The following CMIP variants were observed in gnomAD, a reference collection of about 807,000 sequenced individuals.
CMIP encodes the protein c-Maf inducing protein, also known as C-Maf-inducing protein.
A neutral mutation model predicts 97.3 loss-of-function variants in CMIP; 13 were observed. The ratio of observed to expected loss-of-function variants is 0.13; its 90% CI spans 0.09 to 0.21. The LOEUF is 0.21. Among genes scored for constraint, CMIP ranks in the 10% least tolerant of loss-of-function variants. The probability of loss-of-function intolerance (pLI) is 1.00; values close to 1 mark genes in which losing one functional copy is unlikely to be tolerated. For missense variants in CMIP, 847 were observed against 1,024.9 expected, an observed-to-expected ratio of 0.83 and a Z score of 2.37; for synonymous variants, 538 against 436.3, an observed-to-expected ratio of 1.23 and a Z score of -2.91.
chr16:81,526,658 C>G (rs1284853889), intron 1 of CMIP, among the ~76,000 whole-genome samples: 2 of 152,288 alleles, frequency 1.3e-5, no homozygotes, highest in East Asian at 3.9e-4. Flanking sequence ...AAGAAGATTA[C>G]TCTAAGAAGG....
chr16:81,614,913 G>A lies in CMIP; in HGVS notation c.427-5963G>A, dbSNP rs1382004788. 2.6e-5 allele frequency among the ~76,000 whole-genome samples: 4 copies of A among 151,068 alleles called. No homozygotes were observed. The highest frequency in any genetic ancestry group is 4.4e-5 in the Non-Finnish European group (3 of 67,706). On this transcript the variant is annotated intron_variant, in intron 2 of 20. Coordinates refer to ENST00000537098, the MANE Select transcript of CMIP (RefSeq NM_198390.3). This position sits in a 1 kb window ranked among gnomAD's most constrained non-coding sequence, Gnocchi z 5.3. ...TGTGTGTGTCCTGTGTCTATATGTG[G>A]TGTGCATAGTGTGTATCTCTGTGTG...
At chr16:81,672,452 C>T (rs113889105) in intron 9 of CMIP, among the ~76,000 whole-genome samples, 7 of 152,248 alleles carry the variant, frequency 4.6e-5, no homozygotes, top group African/African-American at 1.4e-4. Flanking sequence ...ACTGTGTGTA[C>T]GTGTGTGCAC....
chr16:81,705,650 A>T, intron 19 of CMIP, 46 bp downstream of exon 19: 1 of 1,296,656 alleles, frequency 7.7e-7, no homozygotes, highest in Admixed American at 2.0e-5. Context: ...CGCTTGATTC[A>T]TTCCTTCCTT....
chr16:81,686,224 G>T (rs1336735083), intron 10 of CMIP, among the ~76,000 whole-genome samples: 3 of 152,216 alleles, frequency 2.0e-5, no homozygotes, highest in Non-Finnish European at 4.4e-5. Context: ...AGGGACAGGT[G>T]GGAGGAAAGG....
chr16:81,468,545 C>T (rs1271297287), intron 1 of CMIP, among the ~76,000 whole-genome samples: 2 of 152,264 alleles, frequency 1.3e-5, no homozygotes, highest in Non-Finnish European at 2.9e-5. Context: ...AGAGTGTTCT[C>T]TCATTCAGCA....
intron 1 of CMIP, among the ~76,000 whole-genome samples, chr16:81,529,365 G>A (rs118115182): frequency 0.018 from 2,675 of 152,252 alleles, 39 homozygotes; most frequent in Non-Finnish European, 0.03. Flanking sequence ...CCGAGTCACC[G>A]AGTGTGGGTG....
chr16:81,546,062 C>T (rs1436487456), intron 1 of CMIP, among the ~76,000 whole-genome samples: 1 of 152,102 alleles, frequency 6.6e-6, no homozygotes, highest in Non-Finnish European at 1.5e-5. Flanking sequence ...ACATCACAGC[C>T]AGCAGTCGAG....
At chr16:81,480,132 A>C (rs1457085597) in intron 1 of CMIP, among the ~76,000 whole-genome samples, 1 of 152,242 alleles carries the variant, frequency 6.6e-6, no homozygotes, top group Non-Finnish European at 1.5e-5. Context: ...AGTGGTAGGC[A>C]GTATTTCCTT....
rs1256630802 is a variant in CMIP, at chr16:81,517,950, T to G, written c.300+72409T>G. On this transcript the variant is annotated intron_variant, in intron 1 of 20. Transcript: ENST00000537098. ...GAGATTCAAGGATTTTCTAGGAAAATGAACGCCAGTGGATGTGTGGAATTT... is the reference window on the plus strand; with the variant it reads ...GAGATTCAAGGATTTTCTAGGAAAAGGAACGCCAGTGGATGTGTGGAATTT... 3.1e-6 allele frequency: 3 copies of G among 979,558 alleles called. No homozygotes were observed. In the African/African-American group the frequency reaches 5.3e-5, roughly 17 times the overall value. The allele number at this position is 979,558 out of a possible 1,614,324, so 60.7% of individuals were successfully genotyped here. A position where few individuals can be genotyped will look rare whatever the true frequency, so the allele number is the denominator to read the frequency against.
At chr16:81,513,232 A>G (rs895653650) in intron 1 of CMIP, among the ~76,000 whole-genome samples, 2 of 152,184 alleles carry the variant, frequency 1.3e-5, no homozygotes, top group African/African-American at 4.8e-5. Flanking sequence ...GCCTGCCTGC[A>G]TCCGTTGCTG....
At chr16:81,574,488 A>G (rs1428467176) in intron 1 of CMIP, among the ~76,000 whole-genome samples, 4 of 152,266 alleles carry the variant, frequency 2.6e-5, no homozygotes, top group African/African-American at 9.6e-5. Flanking sequence ...TCAGGGCATA[A>G]TCCTTCAGGG....
intron 4 of CMIP, among the ~76,000 whole-genome samples, chr16:81,656,698 C>A (rs1348699632): frequency 6.6e-6 from 1 of 152,226 alleles, no homozygotes. Flanking sequence ...AGTGTGGTGG[C>A]ACAATCTCAG....
chr16:81,661,826 G>C (rs183701712), intron 6 of CMIP, among the ~76,000 whole-genome samples: 4 of 152,234 alleles, frequency 2.6e-5, no homozygotes, highest in Admixed American at 2.6e-4. Context: ...ACAAGATTCA[G>C]TTGTCCTCCT....
chr16:81,665,736 C>T (rs1241750789), intron 7 of CMIP: 2 of 152,248 alleles, frequency 1.3e-5, no homozygotes, highest in African/African-American at 4.8e-5. Context: ...CAGCCCCTTC[C>T]CCAGTCAGGA....
At chr16:81,624,407 G>A (rs183099192) in intron 3 of CMIP, among the ~76,000 whole-genome samples, 6 of 151,666 alleles carry the variant, frequency 4.0e-5, no homozygotes, top group East Asian at 1.9e-4. Flanking sequence ...CTGTGGCTGC[G>A]GTGCACATAC....
intron 2 of CMIP, chr16:81,610,535 A>T (rs951183663): frequency 5.1e-6 from 5 of 985,272 alleles, no homozygotes; most frequent in African/African-American, 1.7e-5. Context: ...CCCAAGGGGA[A>T]CCCAGGTGGG....
chr16:81,468,754 C>G (rs541695821), intron 1 of CMIP, among the ~76,000 whole-genome samples: 38 of 152,206 alleles, frequency 2.5e-4, no homozygotes, highest in Admixed American at 5.2e-4. Flanking sequence ...GCTGCTGATC[C>G]AAGAATGGGT....
intron 1 of CMIP, among the ~76,000 whole-genome samples, chr16:81,512,084 A>G (rs2089823080): frequency 1.3e-5 from 2 of 152,240 alleles, no homozygotes; most frequent in African/African-American, 2.4e-5. Flanking sequence ...GGGTTAAAAT[A>G]TATTATTAAC....
At chr16:81,572,393 G>T (rs1051068809) in intron 1 of CMIP, among the ~76,000 whole-genome samples, 1 of 152,222 alleles carries the variant, frequency 6.6e-6, no homozygotes, top group Non-Finnish European at 1.5e-5. Flanking sequence ...GGGTAGGGTG[G>T]GGGCGTGCGA....
Sources: allele counts gnomAD v4.1 joint callset (sites outside exome capture counted in the v4.1 genomes callset), GRCh38; gene constraint gnomAD v4.1.1; non-coding constraint Gnocchi (gnomAD v3.1); transcripts MANE v1.5; gene names NCBI Gene and HGNC (gene_info 2026-07-23, HGNC 2026-07-21).